UQCC1: variants seen among roughly 807,000 people sequenced by gnomAD.
The protein encoded by UQCC1 is ubiquinol-cytochrome c reductase complex assembly factor 1.
UQCC1 carries 38 observed loss-of-function variants against 48.0 expected under a neutral mutation model. That is an observed-to-expected ratio of 0.79 (90% CI 0.61 to 1.04). The LOEUF is 1.04. UQCC1 is among the 50% of genes least tolerant of loss of function. The probability of loss-of-function intolerance (pLI) is 0.00; values close to 1 mark genes in which losing one functional copy is unlikely to be tolerated. For missense variants in UQCC1, 368 were observed against 381.8 expected, an observed-to-expected ratio of 0.96 and a Z score of 0.30; for synonymous variants, 111 against 129.2, an observed-to-expected ratio of 0.86 and a Z score of 0.95.
At chr20:35,390,500 T>C (rs1294734044) in intron 2 of UQCC1, among the ~76,000 whole-genome samples, 2 of 152,056 alleles carry the variant, frequency 1.3e-5, no homozygotes, top group Non-Finnish European at 2.9e-5. Context: ...CATAGAGTTT[T>C]GCAAGATGAA....
chr20:35,384,057 T>G lies in UQCC1; in HGVS notation c.206A>C (p.Lys69Thr). Reference protein sequence around the residue: ...IPGIDIQLNRKYHTTRKLSTT... With the variant: ...IPGIDIQLNRTYHTTRKLSTT... ...TCTCACCTTACGTGTGGTGTGATAC[T>G]TCCTATTCAGCTGTATGTCTATTCC... is the stretch of plus-strand genomic sequence containing the variant. Residue 69 changes from lysine (K) to threonine (T), a missense_variant, in exon 3 of 10, where the codon AAG becomes ACG. Transcript: ENST00000374385. The G allele has an allele frequency of 6.2e-7, 1 of 1,612,544 alleles. No individual in the cohort carries two copies.
chr20:35,339,967 A>T (rs568769429), intron 7 of UQCC1, among the ~76,000 whole-genome samples: 1 of 152,134 alleles, frequency 6.6e-6, no homozygotes, highest in East Asian at 1.9e-4. Flanking sequence ...AAATACTTCA[A>T]TATGTATCTG....
intron 8 of UQCC1, among the ~76,000 whole-genome samples, chr20:35,310,876 T>C (rs1350818565): frequency 6.7e-6 from 1 of 149,120 alleles, no homozygotes; most frequent in East Asian, 2.0e-4. Context: ...TTTTTTTTTT[T>C]TTCAGTAGAG....
chr20:35,314,486 C>CTTTCCCAAACATGTGGCATG (rs972187234), intron 8 of UQCC1, among the ~76,000 whole-genome samples: 1 of 152,136 alleles, frequency 6.6e-6, no homozygotes, highest in Non-Finnish European at 1.5e-5. Flanking sequence ...ATACTGCTTT[C>CTTTCCCAAACATGTGGCATG]TTTCCCAAAC....
intron 2 of UQCC1, among the ~76,000 whole-genome samples, chr20:35,392,583 C>A (rs1178581743): frequency 6.6e-6 from 1 of 152,098 alleles, no homozygotes; most frequent in Non-Finnish European, 1.5e-5. Flanking sequence ...CAAAAAGTAA[C>A]AGAACACAGC....
At chr20:35,395,831 C>T (rs1457781437) in intron 1 of UQCC1, among the ~76,000 whole-genome samples, 1 of 152,146 alleles carries the variant, frequency 6.6e-6, no homozygotes, top group African/African-American at 2.4e-5. Flanking sequence ...AGATAAACCA[C>T]TGCCTACTAC....
intron 6 of UQCC1, among the ~76,000 whole-genome samples, chr20:35,358,686 A>G (rs1297916235): frequency 6.6e-6 from 1 of 152,006 alleles, no homozygotes; most frequent in Non-Finnish European, 1.5e-5. Flanking sequence ...CAGCTTCCTG[A>G]GTAGCTGGGA....
chr20:35,366,175 T>C (rs2061664384), intron 6 of UQCC1, among the ~76,000 whole-genome samples: 2 of 152,242 alleles, frequency 1.3e-5, no homozygotes, highest in African/African-American at 4.8e-5. Flanking sequence ...GTTATAGGTT[T>C]CTGATGACCA....
chr20:35,367,875 A>AG (rs1227600088), intron 5 of UQCC1, among the ~76,000 whole-genome samples: 3 of 152,194 alleles, frequency 2.0e-5, no homozygotes, highest in Non-Finnish European at 4.4e-5. Context: ...TCACCCCCCC[A>AG]GAAATGACAA....
rs368417342 is a variant in UQCC1, at chr20:35,381,883, A to G, written c.333+35T>C. The G allele has an allele frequency of 3.8e-6, 5 of 1,312,114 alleles. No individual in the cohort carries two copies. In the African/African-American group the frequency reaches 4.5e-5, roughly 12 times the overall value. The allele number at this position is 1,312,114 out of a possible 1,614,324, so 81.3% of individuals were successfully genotyped here. On this transcript the variant is annotated intron_variant, in intron 4 of 9. Coordinates refer to ENST00000374385, the MANE Select transcript of UQCC1 (RefSeq NM_018244.5). The stretch of plus-strand genomic sequence containing the variant: ...ATTAGGAGCAGAAAGCACAATGCCC[A>G]AAAGGAAAAATGAGAAGAACTTAAA...
intron 2 of UQCC1, 129 bp downstream of exon 2, chr20:35,393,963 C>A (rs999975857): frequency 1.6e-5 from 13 of 797,200 alleles, no homozygotes; most frequent in Admixed American, 2.1e-5. Flanking sequence ...TAAGTTGGCA[C>A]CACAGAGACC....
At chr20:35,362,740 G>A (rs2061620585) in intron 6 of UQCC1, among the ~76,000 whole-genome samples, 1 of 152,086 alleles carries the variant, frequency 6.6e-6, no homozygotes, top group Admixed American at 6.6e-5. Context: ...GTCTGTTTGT[G>A]TACTGACCCC....
At chr20:35,384,406 C>G (rs1323441906) in intron 2 of UQCC1, among the ~76,000 whole-genome samples, 1 of 152,028 alleles carries the variant, frequency 6.6e-6, no homozygotes, top group African/African-American at 2.4e-5. Flanking sequence ...TTTGGGAGGT[C>G]AAGGTGAGAG....
At chr20:35,339,185 G>C (rs2061350924) in intron 7 of UQCC1, among the ~76,000 whole-genome samples, 2 of 151,912 alleles carry the variant, frequency 1.3e-5, no homozygotes, top group African/African-American at 2.4e-5. Flanking sequence ...TACAGGGCTA[G>C]CCAGATGCTA....
chr20:35,402,421 A>G (rs1204658), intron 1 of UQCC1, among the ~76,000 whole-genome samples: 2 of 151,930 alleles, frequency 1.3e-5, no homozygotes, highest in African/African-American at 4.8e-5. Context: ...TACTAAAAAT[A>G]CAAAAAATTA....
intron 2 of UQCC1, among the ~76,000 whole-genome samples, chr20:35,390,974 TC>T (rs1466387540): frequency 1.3e-5 from 2 of 152,126 alleles, no homozygotes; most frequent in Non-Finnish European, 1.5e-5. Context: ...GGTGGGCGGA[TC>T]ACCTCGGATC....
At chr20:35,395,414 G>A (rs1241906096) in intron 1 of UQCC1, among the ~76,000 whole-genome samples, 1 of 151,666 alleles carries the variant, frequency 6.6e-6, no homozygotes, top group Non-Finnish European at 1.5e-5. Flanking sequence ...GAAGCCAGGA[G>A]GTCGAAACCA....
At chr20:35,327,913 A>C (rs769586148) in intron 7 of UQCC1, among the ~76,000 whole-genome samples, 9 of 151,746 alleles carry the variant, frequency 5.9e-5, no homozygotes, top group Non-Finnish European at 1.2e-4. Context: ...GAGGCAGGAG[A>C]ATTGCTTGAA....
chr20:35,410,704 C>CAAAAAAAAAAAAAGAAAAA (rs2062339973), intron 1 of UQCC1, among the ~76,000 whole-genome samples: 1 of 2,710 alleles, frequency 3.7e-4, no homozygotes, highest in Non-Finnish European at 6.5e-4. Context: ...GACTCTGCCT[C>CAAAAAAAAAAAAAGAAAAA]AAAAAAAAAA....
Sources: allele counts gnomAD v4.1 joint callset (sites outside exome capture counted in the v4.1 genomes callset), GRCh38; gene constraint gnomAD v4.1.1; transcripts MANE v1.5; gene names NCBI Gene and HGNC (gene_info 2026-07-23, HGNC 2026-07-21).